CDH18: variants seen among roughly 807,000 people sequenced by gnomAD.
CDH18 encodes the protein cadherin-18.
A neutral mutation model predicts 67.9 loss-of-function variants in CDH18; 31 were observed. That is an observed-to-expected ratio of 0.46 (90% confidence interval 0.34 to 0.62). The LOEUF (loss-of-function observed/expected upper bound fraction) is 0.62, where lower values mean the gene tolerates loss of function less well. Among genes scored for constraint, CDH18 ranks in the 20% least tolerant of loss-of-function variants. The pLI, the probability that CDH18 is intolerant of heterozygous loss-of-function variation, is 0.01. For synonymous variants in CDH18, 362 were observed against 347.2 expected, an observed-to-expected ratio of 1.04 and a Z score of -0.48; for missense variants, 890 against 975.5, an observed-to-expected ratio of 0.91 and a Z score of 1.17.
rs376038644 is a variant in CDH18 at position 19,951,009 on chromosome 5, G to C, written c.-257+30051C>G. Among the ~76,000 whole-genome samples the C allele has an allele frequency of 6.0e-4, 91 of 152,246 alleles. No homozygotes were observed. In the South Asian group the frequency reaches 0.016, roughly 27 times the overall value. ...CAATGGCAGTGATTGGCTATTTTAAGAGTGAATCAGTTTATCTCATGTTCT... is the reference window on the plus strand; with the variant it reads ...CAATGGCAGTGATTGGCTATTTTAACAGTGAATCAGTTTATCTCATGTTCT... On this transcript the variant is annotated intron_variant, in intron 2 of 12. Transcript: ENST00000382275.
chr5:20,300,161 T>A (rs1480083277), intron 1 of CDH18, among the ~76,000 whole-genome samples: 3 of 152,162 alleles, frequency 2.0e-5, no homozygotes, highest in East Asian at 3.9e-4. Context: ...AAATCTTAGT[T>A]TAAAGAGGAA....
At chr5:20,181,582 G>A (rs911846136) in intron 2 of CDH18, among the ~76,000 whole-genome samples, 8 of 152,124 alleles carry the variant, frequency 5.3e-5, no homozygotes, top group East Asian at 1.9e-4. Context: ...GTCTTGCTTC[G>A]AACTGCTGAA....
chr5:20,171,574 T>C (rs1434461844), intron 2 of CDH18, among the ~76,000 whole-genome samples: 1 of 152,102 alleles, frequency 6.6e-6, no homozygotes, highest in African/African-American at 2.4e-5. Context: ...GTTTGTTTTT[T>C]TCTTGTAAAT....
intron 2 of CDH18, among the ~76,000 whole-genome samples, chr5:20,013,753 T>G (rs1737655735): frequency 6.6e-6 from 1 of 152,118 alleles, no homozygotes; most frequent in Non-Finnish European, 1.5e-5. Flanking sequence ...ATACAAAATC[T>G]TAAGGGAACC....
chr5:20,463,728 C>T (rs188042260), intron 1 of CDH18, among the ~76,000 whole-genome samples: 3 of 152,186 alleles, frequency 2.0e-5, no homozygotes, highest in East Asian at 1.9e-4. Context: ...ACCGTTAATA[C>T]GGGATTTGAA....
chr5:20,405,979 T>C (rs1219731682), intron 1 of CDH18, among the ~76,000 whole-genome samples: 3 of 152,174 alleles, frequency 2.0e-5, no homozygotes, highest in African/African-American at 7.2e-5. Context: ...TTTTACACTG[T>C]TGGTGGGACT....
intron 3 of CDH18, among the ~76,000 whole-genome samples, chr5:19,748,050 T>C (rs771567503): frequency 7.6e-5 from 10 of 131,610 alleles, no homozygotes; most frequent in East Asian, 4.8e-4. Context: ...GAGGCGGAGC[T>C]TGCAGTGAGC....
intron 5 of CDH18, among the ~76,000 whole-genome samples, chr5:19,673,382 T>C (rs1759022763): frequency 6.6e-6 from 1 of 152,068 alleles, no homozygotes; most frequent in African/African-American, 2.4e-5. Flanking sequence ...TAAGTCTTGA[T>C]AATGATAGTT....
intron 2 of CDH18, among the ~76,000 whole-genome samples, chr5:20,218,528 C>T (rs996039418): frequency 2.0e-5 from 3 of 151,882 alleles, no homozygotes; most frequent in African/African-American, 7.2e-5. Context: ...AGTTGATATG[C>T]TTTTGCTGTG....
intron 1 of CDH18, among the ~76,000 whole-genome samples, chr5:20,511,065 A>G (rs1453524509): frequency 6.6e-6 from 1 of 152,154 alleles, no homozygotes; most frequent in African/African-American, 2.4e-5. Context: ...AGTTCATAGG[A>G]GAAATGGTGC....
intron 2 of CDH18, among the ~76,000 whole-genome samples, chr5:20,157,993 T>C (rs1201371682): frequency 6.6e-6 from 1 of 152,158 alleles, no homozygotes; most frequent in African/African-American, 2.4e-5. Context: ...GTTAACTACC[T>C]TTCACTCTCT....
At chr5:19,500,602 G>A (rs1743072960) in intron 11 of CDH18, among the ~76,000 whole-genome samples, 1 of 152,048 alleles carries the variant, frequency 6.6e-6, no homozygotes, top group Non-Finnish European at 1.5e-5. Context: ...CTCAAAAATT[G>A]TAAAAATATT....
chr5:20,170,064 G>T (rs1209271882), intron 2 of CDH18, among the ~76,000 whole-genome samples: 1 of 151,670 alleles, frequency 6.6e-6, no homozygotes, highest in Non-Finnish European at 1.5e-5. Flanking sequence ...TGCAGAACGT[G>T]CAGGTTTGTT....
chr5:20,053,196 T>C (rs1741589092), intron 2 of CDH18, among the ~76,000 whole-genome samples: 2 of 151,706 alleles, frequency 1.3e-5, no homozygotes, highest in South Asian at 2.1e-4. Flanking sequence ...AAGGTATCTA[T>C]CTATCTTATA....
chr5:19,497,907 C>T (rs1297406002), intron 11 of CDH18, among the ~76,000 whole-genome samples: 1 of 152,076 alleles, frequency 6.6e-6, no homozygotes, highest in Admixed American at 6.6e-5. Context: ...GTCAGTTAGC[C>T]TGACACAGTG....
At chr5:19,477,004 A>T (rs1738572909) in intron 12 of CDH18, among the ~76,000 whole-genome samples, 1 of 151,578 alleles carries the variant, frequency 6.6e-6, no homozygotes, top group African/African-American at 2.4e-5. Context: ...GACCATTTAC[A>T]TTTGAACGTT....
At chr5:19,904,824 T>C (rs1790360869) in intron 2 of CDH18, among the ~76,000 whole-genome samples, 1 of 152,210 alleles carries the variant, frequency 6.6e-6, no homozygotes, top group South Asian at 2.1e-4. Flanking sequence ...ATCTTCATAT[T>C]GTGGGAACAG....
chr5:20,468,947 C>T (rs80027787), intron 1 of CDH18, among the ~76,000 whole-genome samples: 2,654 of 152,274 alleles, frequency 0.017, 54 homozygotes, highest in African/African-American at 0.044. Context: ...AAAGAATTCA[C>T]AAATGTTAGT....
chr5:19,872,339 C>A (rs536482521), intron 2 of CDH18, among the ~76,000 whole-genome samples: 122 of 152,196 alleles, frequency 8.0e-4, no homozygotes, highest in Non-Finnish European at 1.5e-3. Flanking sequence ...TAGCTGGTTT[C>A]TGGTCAATAA....
Sources: gnomAD v4.1 joint callset for allele counts (sites outside exome capture counted in the v4.1 genomes callset) on GRCh38, gnomAD v4.1.1 for gene constraint, MANE v1.5 for transcripts, NCBI Gene and HGNC (gene_info 2026-07-23, HGNC 2026-07-21) for gene names.